ARHGAP18: variants seen among roughly 807,000 people sequenced by gnomAD.
ARHGAP18 encodes the protein rho GTPase-activating protein 18.
In ARHGAP18, 67 loss-of-function variants were observed where a neutral mutation model predicts 86.2. The ratio of observed to expected loss-of-function variants is 0.78; its 90% CI spans 0.64 to 0.95. The LOEUF (loss-of-function observed/expected upper bound fraction) is 0.95, where lower values mean the gene tolerates loss of function less well. Ranked by LOEUF, ARHGAP18 falls within the 40% of genes least tolerant of loss-of-function variation. The pLI, the probability that ARHGAP18 is intolerant of heterozygous loss-of-function variation, is 0.00. For synonymous variants in ARHGAP18, 283 were observed against 280.4 expected (o/e 1.01, Z -0.09); for missense variants, 691 against 780.4 (o/e 0.89, Z 1.37).
At chr6:129,691,914 C>A (rs143585772) in intron 1 of ARHGAP18, among the ~76,000 whole-genome samples, 1 of 152,336 alleles carries the variant, frequency 6.6e-6, no homozygotes, top group African/African-American at 2.4e-5. Flanking sequence ...CAGTCCTTGG[C>A]TGTTCTTGCA....
At chr6:129,662,165 T>C (rs1773966911) in intron 1 of ARHGAP18, among the ~76,000 whole-genome samples, 1 of 152,266 alleles carries the variant, frequency 6.6e-6, no homozygotes, top group Non-Finnish European at 1.5e-5. Flanking sequence ...ATGGTTTTAC[T>C]GCAGGTCACA....
At chr6:129,592,747 A>G (rs911420857) in intron 12 of ARHGAP18, among the ~76,000 whole-genome samples, 8 of 152,146 alleles carry the variant, frequency 5.3e-5, no homozygotes, top group Non-Finnish European at 1.2e-4. Context: ...CCTAAGTCAC[A>G]ATAACCCTGA....
chr6:129,613,359 G>A (rs933909253), intron 7 of ARHGAP18, among the ~76,000 whole-genome samples: 3 of 152,008 alleles, frequency 2.0e-5, no homozygotes, highest in East Asian at 1.9e-4. Context: ...TCAGATGGGC[G>A]TTATTCAAAA....
chr6:129,640,042 C>CAAAAAAAAAAAAAAAA (rs374771260), intron 2 of ARHGAP18, among the ~76,000 whole-genome samples: 2 of 72,862 alleles, frequency 2.7e-5, no homozygotes, highest in Non-Finnish European at 5.0e-5. Context: ...GAGACTGTCT[C>CAAAAAAAAAAAAAAAA]AAAAAAAAAA....
rs1399943352 is a variant in ARHGAP18 at position 129,625,316 on chromosome 6, AAT to A, written c.786+4035_786+4036del. 4.9e-4 allele frequency among the ~76,000 whole-genome samples: 35 copies of A among 71,126 alleles called. 4 individuals carry two copies. The highest frequency in any genetic ancestry group is 8.1e-4 in the African/African-American group (15 of 18,526). 46.7% of individuals were successfully genotyped at this position (71,126 alleles called of 152,430 possible). On this transcript the variant is annotated intron_variant, in intron 5 of 14. Coordinates refer to ENST00000368149, the MANE Select transcript of ARHGAP18 (RefSeq NM_033515.3). ...TGATATATGATATATATTTATATGT[AAT>A]ATATATGATATATGATATATATTTA...
At chr6:129,597,891 A>C (rs1788647015) in intron 12 of ARHGAP18, among the ~76,000 whole-genome samples, 1 of 152,184 alleles carries the variant, frequency 6.6e-6, no homozygotes, top group Admixed American at 6.5e-5. Context: ...AAAGAAGTTA[A>C]TGCTTTTTTT....
intron 12 of ARHGAP18, among the ~76,000 whole-genome samples, chr6:129,586,252 C>G (rs1359061266): frequency 6.6e-6 from 1 of 152,130 alleles, no homozygotes; most frequent in Non-Finnish European, 1.5e-5. Flanking sequence ...ACACCTTTAA[C>G]ATTAGACTGA....
rs189875391 is a variant in ARHGAP18, at chr6:129,673,658, T to G, written c.114-31640A>C. On this transcript the variant is annotated intron_variant, in intron 1 of 14. Transcript: ENST00000368149. ...GATTCAATTATTTCTATTCTTTTCA[T>G]GCACTTATTTTTACCATTTGCTTCT... is the stretch of plus-strand genomic sequence containing the variant. Among the ~76,000 whole-genome samples, 36 of 152,314 alleles carry G rather than the reference T, an allele frequency of 2.4e-4. No homozygotes were observed. The South Asian group carries it at 3.7e-3, about 16-fold the overall frequency.
rs528518345 is a variant in ARHGAP18 at position 129,616,144 on chromosome 6, T to C, written c.1044+68A>G. 85 of 1,226,634 alleles carry C rather than the reference T, an allele frequency of 6.9e-5. No individual in the cohort carries two copies. In the African/African-American group the frequency reaches 1.1e-3, roughly 16 times the overall value. 76.0% of individuals were successfully genotyped at this position (1,226,634 alleles called of 1,614,324 possible). A position where few individuals can be genotyped will look rare whatever the true frequency, so the allele number is the denominator to read the frequency against. The stretch of plus-strand genomic sequence containing the variant: ...GAATTGGAAAACTGTATTATAATAA[T>C]ATGAATACAAAAACCACTATTAGCT... On this transcript the variant is annotated intron_variant, in intron 7 of 14. Transcript: ENST00000368149.
In ARHGAP18 at chr6:129,641,883, T is replaced by C; in HGVS notation, c.249A>G (p.Glu83=). 1 of 1,614,010 alleles carries C rather than the reference T, an allele frequency of 6.2e-7. No homozygotes were observed. The highest frequency in any genetic ancestry group is 1.1e-5 in the South Asian group (1 of 91,074). ...TGTTTTCACTAGATTTCTTGATGTT[T>C]TCTAGTTCTATCCAATAGTCTTCCA... ...LSMEDYWIEL[E]NIKKSSENSQ... is the part of the protein sequence containing the mutation. The change falls in exon 2 of 15, where the codon GAA becomes GAG. Residue 83 remains glutamate, a synonymous_variant. Transcript: ENST00000368149.
intron 5 of ARHGAP18, among the ~76,000 whole-genome samples, chr6:129,623,077 T>C (rs897589801): frequency 2.0e-5 from 3 of 151,232 alleles, no homozygotes; most frequent in Non-Finnish European, 4.4e-5. Context: ...AGGTCATTGA[T>C]TCCCTTGTGT....
rs1788208345 is a variant in ARHGAP18 at position 129,577,755 on chromosome 6, T to G, written c.*758A>C. ...AGAAAGTGCTTTGGCTTTCACTCTC[T>G]TGTTATCCATAATCCAATTATTATT... On this transcript the variant is annotated 3_prime_UTR_variant, in exon 15 of 15. Transcript: ENST00000368149. The G allele has an allele frequency of 6.6e-6, 1 of 152,222 alleles. No homozygotes were observed. The highest frequency in any genetic ancestry group is 2.4e-5 in the African/African-American group (1 of 41,460). The allele number at this position is 152,222 out of a possible 1,614,324, so 9.4% of individuals were successfully genotyped here. A position where few individuals can be genotyped will look rare whatever the true frequency, so the allele number is the denominator to read the frequency against.
chr6:129,625,607 T>TTATATATTTATATATTATATATATTTA (rs1562697807), intron 5 of ARHGAP18, among the ~76,000 whole-genome samples: 2,152 of 39,280 alleles, frequency 0.055, 279 homozygotes, highest in Non-Finnish European at 0.081. Context: ...ATATTATATA[T>TTATATATTTATATATTATATATATTTA]TATTATATAT....
intron 1 of ARHGAP18, among the ~76,000 whole-genome samples, chr6:129,650,399 G>A (rs4479964): frequency 0.34 from 51,725 of 151,918 alleles, 8,967 homozygotes; most frequent in Middle Eastern, 0.38. Context: ...GAACATATAC[G>A]GGAAAATAGT....
intron 1 of ARHGAP18, among the ~76,000 whole-genome samples, chr6:129,699,582 G>T (rs778952503): frequency 3.3e-5 from 5 of 152,108 alleles, no homozygotes; most frequent in Non-Finnish European, 7.4e-5. Context: ...AAGTTTTCTG[G>T]CTAGTAAAAA....
intron 1 of ARHGAP18, among the ~76,000 whole-genome samples, chr6:129,685,040 A>G (rs998518731): frequency 1.3e-5 from 2 of 152,230 alleles, no homozygotes; most frequent in African/African-American, 2.4e-5. Flanking sequence ...GGCGGTGGAC[A>G]CTGGACACAG....
chr6:129,582,126 G>T (rs190117374), intron 13 of ARHGAP18, among the ~76,000 whole-genome samples: 6 of 152,214 alleles, frequency 3.9e-5, no homozygotes, highest in African/African-American at 1.4e-4. Flanking sequence ...TTCCATCTAG[G>T]TGGAGAAGGA....
chr6:129,685,704 C>T (rs955620507), intron 1 of ARHGAP18, among the ~76,000 whole-genome samples: 4 of 151,988 alleles, frequency 2.6e-5, no homozygotes, highest in Admixed American at 6.6e-5. Flanking sequence ...GTGCTGATCA[C>T]GGTGATCACT....
chr6:129,638,290 G>T, intron 3 of ARHGAP18, 104 bp downstream of exon 3: 1 of 1,159,010 alleles, frequency 8.6e-7, no homozygotes, highest in Non-Finnish European at 1.3e-6. Flanking sequence ...GCCTGGCATA[G>T]AATAGGTGAT....
Sources: allele counts gnomAD v4.1 joint callset (sites outside exome capture counted in the v4.1 genomes callset), GRCh38; gene constraint gnomAD v4.1.1; transcripts MANE v1.5; gene names NCBI Gene and HGNC (gene_info 2026-07-23, HGNC 2026-07-21).